BICRAL: variants seen among roughly 807,000 people sequenced by gnomAD.
BICRAL encodes the protein BRD4-interacting chromatin-remodeling complex-associated protein-like.
BICRAL carries 8 observed loss-of-function variants against 91.8 expected under a neutral mutation model. The ratio of observed to expected loss-of-function variants is 0.09; its 90% CI spans 0.05 to 0.16. BICRAL has a LOEUF of 0.16. Among genes scored for constraint, BICRAL ranks in the 10% least tolerant of loss-of-function variants. BICRAL has a pLI of 1.00. For synonymous variants in BICRAL, 445 were observed against 491.1 expected (o/e 0.91, Z 1.24); for missense variants, 1,038 against 1,310.9 (o/e 0.79, Z 3.21).
intron 1 of BICRAL, among the ~76,000 whole-genome samples, chr6:42,754,329 G>A (rs958194041): frequency 6.6e-6 from 1 of 151,822 alleles, no homozygotes; most frequent in East Asian, 1.9e-4. Context: ...CCGCCACCAC[G>A]CCTGGCTAAT....
intron 6 of BICRAL, among the ~76,000 whole-genome samples, chr6:42,835,897 T>C (rs1204881437): frequency 6.6e-6 from 1 of 152,226 alleles, no homozygotes; most frequent in African/African-American, 2.4e-5. Flanking sequence ...ACCACTGCGC[T>C]ATAGCCTGGG....
At chr6:42,819,556 G>A (rs1357400556) in intron 2 of BICRAL, among the ~76,000 whole-genome samples, 1 of 152,288 alleles carries the variant, frequency 6.6e-6, no homozygotes, top group East Asian at 1.9e-4. Flanking sequence ...AAAGTGCTGG[G>A]ATTACAGGCA....
intron 8 of BICRAL, among the ~76,000 whole-genome samples, chr6:42,854,948 A>G (rs1480619480): frequency 6.6e-6 from 1 of 152,174 alleles, no homozygotes. Flanking sequence ...AATGGAAGGA[A>G]ACATTTCTTG....
At position 42,857,182 on chromosome 6, in the gene BICRAL, C is replaced by G; in HGVS notation, c.2200C>G (p.Leu734Val). The G allele has an allele frequency of 6.2e-7, 1 of 1,613,590 alleles. No individual in the cohort carries two copies. Among genetic ancestry groups the G allele is most frequent in the Non-Finnish European group, 8.5e-7 (1 of 1,179,628 alleles). The change falls in exon 10 of 13, where the codon CTC becomes GTC. Residue 734 changes from leucine to valine, a missense_variant. Physicochemically the swap from Leu to Val is conservative, Grantham distance 32. This residue lies in a region of BICRAL where 294 missense variants were observed against 292.6 expected (regional missense o/e 1.00). Coordinates refer to ENST00000314073, the MANE Select transcript of BICRAL (RefSeq NM_001393499.1). ...RSLSDAVQRL[L>V]SYHVCQGSMP... ...ACTAAGTGATGCGGTACAGAGACTG[C>G]TCTCCTACCACGTGTGCCAGGGCTC...
At position 42,789,731 on chromosome 6, in the gene BICRAL, T is replaced by C. The variant is rs1763212804; in HGVS notation, c.-102+7630T>C. 3.3e-5 allele frequency among the ~76,000 whole-genome samples: 5 copies of C among 152,134 alleles called. No individual in the cohort carries two copies. The South Asian group carries it at 8.3e-4, about 25-fold the overall frequency. ...GAAGAAAATTGCTTTAGAAATGAAA[T>C]TTCAGATTACTGAAACTAAAGAGAA... On this transcript the variant is annotated intron_variant, in intron 1 of 12. Coordinates refer to ENST00000314073, the MANE Select transcript of BICRAL (RefSeq NM_001393499.1).
At chr6:42,756,311 G>T (rs1406980639) in intron 1 of BICRAL, among the ~76,000 whole-genome samples, 2 of 152,056 alleles carry the variant, frequency 1.3e-5, no homozygotes. Context: ...CTCACAGCAG[G>T]AATTTATCTC....
intron 7 of BICRAL, among the ~76,000 whole-genome samples, chr6:42,852,911 C>T (rs1765235249): frequency 6.6e-6 from 1 of 151,568 alleles, no homozygotes; most frequent in African/African-American, 2.4e-5. Flanking sequence ...GCCTGGCCAA[C>T]ATGGTGAAAC....
chr6:42,747,804 TG>T (rs1484959551), intron 1 of BICRAL, among the ~76,000 whole-genome samples: 17 of 143,678 alleles, frequency 1.2e-4, no homozygotes, highest in South Asian at 8.6e-4. Context: ...TGTTTTATTT[TG>T]TTTTTTTTTT....
At position 42,829,168 on chromosome 6, in the gene BICRAL, A is replaced by G; in HGVS notation, c.835A>G (p.Thr279Ala). Residue 279 changes from threonine (T) to alanine (A), a missense_variant, in exon 6 of 13, where the codon ACC becomes GCC. Physicochemically the swap from Thr to Ala is moderately conservative, Grantham distance 58. Coordinates refer to ENST00000314073, the MANE Select transcript of BICRAL (RefSeq NM_001393499.1). ...SSSSPVAQPV[T>A]VPFNSTNFQT... ...TTCCAGTCCAGTAGCACAGCCTGTTACCGTTCCATTTAACAGCACAAATTT... is the reference window on the plus strand; with the variant it reads ...TTCCAGTCCAGTAGCACAGCCTGTTGCCGTTCCATTTAACAGCACAAATTT... The G allele has an allele frequency of 6.2e-7, 1 of 1,614,108 alleles. No homozygotes were observed. The highest frequency in any genetic ancestry group is 8.5e-7 in the Non-Finnish European group (1 of 1,179,986).
At chr6:42,840,830 T>G (rs567557386) in intron 6 of BICRAL, among the ~76,000 whole-genome samples, 7 of 151,472 alleles carry the variant, frequency 4.6e-5, no homozygotes, top group African/African-American at 1.5e-4. Flanking sequence ...TCCCAGCACT[T>G]TGGGAGGCCG....
intron 2 of BICRAL, among the ~76,000 whole-genome samples, chr6:42,817,346 T>C (rs1450074034): frequency 6.6e-6 from 1 of 152,164 alleles, no homozygotes; most frequent in Non-Finnish European, 1.5e-5. Context: ...TAAACCATAA[T>C]TGATTTAACC....
At chr6:42,797,124 G>A (rs918578086) in intron 1 of BICRAL, among the ~76,000 whole-genome samples, 5 of 150,072 alleles carry the variant, frequency 3.3e-5, no homozygotes, top group African/African-American at 1.2e-4. Context: ...GGAAAAGGAA[G>A]ATTTTGTTGA....
rs192076509 is a variant in BICRAL, at chr6:42,810,226, A to G, written c.-101-80A>G. On this transcript the variant is annotated intron_variant, in intron 1 of 12. Coordinates refer to ENST00000314073, the MANE Select transcript of BICRAL (RefSeq NM_001393499.1). ...GTTGAATAATAACTAAAAAACTTAA[A>G]GCCAATCATGCTGAGTTTGACAGCT... The G allele has an allele frequency of 7.5e-4, 114 of 152,356 alleles. 1 individual carries two copies. The Middle Eastern group carries it at 0.014, about 18-fold the overall frequency. The allele number at this position is 152,356 out of a possible 1,614,324, so 9.4% of individuals were successfully genotyped here.
intron 1 of BICRAL, among the ~76,000 whole-genome samples, chr6:42,800,681 C>T (rs1286292284): frequency 6.6e-6 from 1 of 152,066 alleles, no homozygotes; most frequent in East Asian, 1.9e-4. Context: ...TCCTGAGTAG[C>T]TGGGACTACA....
chr6:42,760,973 G>C (rs1190335759), intron 1 of BICRAL, among the ~76,000 whole-genome samples: 3 of 147,586 alleles, frequency 2.0e-5, no homozygotes, highest in Non-Finnish European at 4.4e-5. Context: ...AGTCAGCCGA[G>C]ATCACGCCAC....
Position 42,857,039 on chromosome 6 carries a change from T to C in BICRAL, c.2109-52T>C, listed in dbSNP as rs1439703170. ...TTGCATGCAAATAAATATGACTAGATTTAATTTCCTAACATGACTTTACAT... is the reference window on the plus strand; with the variant it reads ...TTGCATGCAAATAAATATGACTAGACTTAATTTCCTAACATGACTTTACAT... On this transcript the variant is annotated intron_variant, in intron 9 of 12. Transcript: ENST00000314073. 7.4e-6 allele frequency: 11 copies of C among 1,485,296 alleles called. No homozygotes were observed. The African/African-American group carries it at 1.4e-4, about 19-fold the overall frequency. The allele number at this position is 1,485,296 out of a possible 1,614,324, so 92.0% of individuals were successfully genotyped here.
At chr6:42,856,238 G>A (rs758465219) in intron 9 of BICRAL, among the ~76,000 whole-genome samples, 23 of 151,762 alleles carry the variant, frequency 1.5e-4, no homozygotes, top group Non-Finnish European at 2.9e-4. Flanking sequence ...GATAGCTTGA[G>A]TTCTGAGGTG....
At chr6:42,793,762 C>CTTTT (rs70990140) in intron 1 of BICRAL, among the ~76,000 whole-genome samples, 18 of 99,234 alleles carry the variant, frequency 1.8e-4, no homozygotes, top group East Asian at 5.4e-4. Flanking sequence ...CTCAAGATGA[C>CTTTT]TTTTTTTTTT....
At chr6:42,749,127 T>A (rs1298057773) in intron 1 of BICRAL, among the ~76,000 whole-genome samples, 1 of 152,232 alleles carries the variant, frequency 6.6e-6, no homozygotes, top group African/African-American at 2.4e-5. Flanking sequence ...AACAACAGTT[T>A]AGATACTTTA....
Sources: allele counts gnomAD v4.1 joint callset (sites outside exome capture counted in the v4.1 genomes callset), GRCh38; gene constraint gnomAD v4.1.1; regional missense constraint gnomAD v4.1.1; transcripts MANE v1.5; gene names NCBI Gene and HGNC (gene_info 2026-07-23, HGNC 2026-07-21).